The following ZNF775 variants were observed in gnomAD, a reference collection of about 807,000 sequenced individuals.
The protein encoded by ZNF775 is zinc finger protein 775.
In ZNF775, 1 loss-of-function variant was observed where a neutral mutation model predicts 2.4. That is an observed-to-expected ratio of 0.41 (90% CI 0.15 to 1.94). ZNF775 has a LOEUF of 1.94. Ranked by LOEUF, ZNF775 falls within the 30% of genes most tolerant of loss-of-function variation. The pLI is 0.30. For synonymous variants in ZNF775, 381 were observed against 373.3 expected, an observed-to-expected ratio of 1.02 and a Z score of -0.24; for missense variants, 823 against 826.6, an observed-to-expected ratio of 1.00 and a Z score of 0.05.
chr7:150,397,328 T>C lies in ZNF775; in HGVS notation c.847T>C (p.Cys283Arg), dbSNP rs994806274. The change falls in exon 3 of 3, where the codon TGC (cysteine) becomes CGC (arginine). Residue 283 changes from cysteine (C) to arginine (R), a missense_variant. Transcript: ENST00000329630. The stretch of plus-strand genomic sequence containing the variant: ...GCCGGGCGAGCCGCGCCAGTTCATC[T>C]GCAACGAGTGTGGCAAGAGCTTCAC... ...EGPGEPRQFI[C>R]NECGKSFTWW... 1.9e-6 allele frequency: 3 copies of C among 1,591,088 alleles called. No individual in the cohort carries two copies. The highest frequency in any genetic ancestry group is 2.6e-6 in the Non-Finnish European group (3 of 1,172,806).
In ZNF775 at chr7:150,397,433, T is replaced by C; in HGVS notation, c.952T>C (p.Phe318Leu). ...TGCGTGCCCCGAGTGCGGCCGCCGC[T>C]TCAGCCAGAAGCCCAACTTGACGCG... ...PYACPECGRR[F>L]SQKPNLTRHL... The change falls in exon 3 of 3, where the codon TTC becomes CTC. Residue 318 changes from phenylalanine (F) to leucine (L), a missense_variant. Phe to Leu is a conservative substitution (Grantham distance 22). Transcript: ENST00000329630. 1 of 1,595,954 alleles carries C rather than the reference T, an allele frequency of 6.3e-7. No homozygotes were observed. Among genetic ancestry groups the C allele is most frequent in the Non-Finnish European group, 8.5e-7 (1 of 1,175,040 alleles).
chr7:150,388,479 T>C lies in ZNF775; in HGVS notation c.9T>C (p.Ser3=), dbSNP rs1563257896. Residue 3 remains serine (S), a synonymous_variant, in exon 2 of 3, where the codon AGT becomes AGC. Transcript: ENST00000329630. ME[S]GLAGNGTGAG... ...CTGGGAGGCCTCCAGGGATGGAGAG[T>C]GGCCTGGCTGGCAACGGCACAGGTA... The C allele has an allele frequency of 1.9e-6, 3 of 1,551,266 alleles. No individual in the cohort carries two copies. Among genetic ancestry groups the C allele is most frequent in the South Asian group, 1.2e-5 (1 of 84,038 alleles).
Position 150,394,633 on chromosome 7 carries a change from TTC to T in ZNF775, c.32-1863_32-1862del, listed in dbSNP as rs141275634. On this transcript the variant is annotated intron_variant, in intron 2 of 2. Transcript: ENST00000329630. ...TATTCTTAGTTTGCTAGGAGCTTTC[TTC>T]TCTCTCTCTCTCTCTCCCTCCCTCC... 1.7e-3 allele frequency among the ~76,000 whole-genome samples: 252 copies of T among 150,414 alleles called. 2 individuals are homozygous for T. Among genetic ancestry groups the T allele is most frequent in the Admixed American group, 0.011 (169 of 15,090 alleles).
At position 150,397,980 on chromosome 7, in the gene ZNF775, G is replaced by A. The variant is rs914207861; in HGVS notation, c.1499G>A (p.Arg500Gln). Residue 500 changes from arginine (R) to glutamine (Q), a missense_variant, in exon 3 of 3, where the codon CGG (arginine) becomes CAG (glutamine). Coordinates refer to ENST00000329630, the MANE Select transcript of ZNF775 (RefSeq NM_173680.4). Reference sequence around the variant, plus strand: ...CACCGGCGCAACCACACAGGCGAGCGGCCCTACCTGTGTCCCGCCTGCGGC... The same window carrying A: ...CACCGGCGCAACCACACAGGCGAGCAGCCCTACCTGTGTCCCGCCTGCGGC... The part of the protein sequence containing the change: ...TRHRRNHTGE[R>Q]PYLCPACGRG... The A allele has an allele frequency of 1.3e-6, 2 of 1,597,014 alleles. No individual in the cohort carries two copies. Among genetic ancestry groups the A allele is most frequent in the African/African-American group, 2.7e-5 (2 of 74,738 alleles).
At chr7:150,391,630 G>A (rs1800560094) in intron 2 of ZNF775, among the ~76,000 whole-genome samples, 2 of 150,686 alleles carry the variant, frequency 1.3e-5, no homozygotes, top group South Asian at 4.2e-4. Flanking sequence ...GAGCTCAGAT[G>A]TAAACTGTTT....
intron 2 of ZNF775, among the ~76,000 whole-genome samples, 175 bp downstream of exon 2, chr7:150,388,676 G>A (rs960484609): frequency 6.6e-6 from 1 of 152,240 alleles, no homozygotes; most frequent in African/African-American, 2.4e-5. Flanking sequence ...TCAAAGAATG[G>A]AACAATGACA....
At chr7:150,379,891 G>C (rs561513537) in intron 1 of ZNF775, 2 of 152,432 alleles carry the variant, frequency 1.3e-5, no homozygotes, top group African/African-American at 2.4e-5. Flanking sequence ...ATAAGGATTG[G>C]GGGTGGAGAT....
intron 2 of ZNF775, among the ~76,000 whole-genome samples, chr7:150,394,106 G>T (rs10267780): frequency 0.013 from 1,953 of 152,280 alleles, 37 homozygotes; most frequent in African/African-American, 0.045. Flanking sequence ...ACTTAAATAG[G>T]ATTACACTGA....
intron 1 of ZNF775, among the ~76,000 whole-genome samples, chr7:150,386,255 AT>A (rs992455463): frequency 6.6e-6 from 1 of 152,182 alleles, no homozygotes; most frequent in African/African-American, 2.4e-5. Context: ...TTTTAAAAAG[AT>A]TTATTTCTAC....
chr7:150,383,138 T>C (rs1181140726), intron 1 of ZNF775, among the ~76,000 whole-genome samples: 1 of 152,240 alleles, frequency 6.6e-6, no homozygotes, highest in Non-Finnish European at 1.5e-5. Flanking sequence ...TAGATATGAT[T>C]GTATCTGGGT....
intron 2 of ZNF775, among the ~76,000 whole-genome samples, chr7:150,396,195 G>A (rs1281218387): frequency 6.6e-6 from 1 of 152,092 alleles, no homozygotes; most frequent in African/African-American, 2.4e-5. Context: ...CAGAGCAGCC[G>A]GTGCCTCGGG....
intron 2 of ZNF775, among the ~76,000 whole-genome samples, chr7:150,390,776 G>GT (rs1800547074): frequency 6.6e-6 from 1 of 152,106 alleles, no homozygotes; most frequent in Non-Finnish European, 1.5e-5. Context: ...CTTTACACTC[G>GT]TATGTCAGTA....
At chr7:150,387,376 G>T (rs1313816220) in intron 1 of ZNF775, among the ~76,000 whole-genome samples, 1 of 152,078 alleles carries the variant, frequency 6.6e-6, no homozygotes, top group South Asian at 2.1e-4. Flanking sequence ...TAGAAGTGTG[G>T]GGGGCAAGCC....
Position 150,381,926 on chromosome 7 carries a change from G to A in ZNF775, c.-50+2534G>A, listed in dbSNP as rs141782692. Among the ~76,000 whole-genome samples, 20 of 151,878 alleles carry A rather than the reference G, an allele frequency of 1.3e-4. No homozygotes were observed. The East Asian group carries it at 3.3e-3, about 25-fold the overall frequency. ...GGTGGCCTTGTGCTGAGTGGGATCC[G>A]GGAAGTTGGAGAGGAGCAGGGTGGG... On this transcript the variant is annotated intron_variant, in intron 1 of 2. Transcript: ENST00000329630.
rs1301867461 is a variant in ZNF775 at position 150,398,034 on chromosome 7, T to G, written c.1553T>G (p.Leu518Arg). 16 of 1,577,416 alleles carry G rather than the reference T, an allele frequency of 1.0e-5. No homozygotes were observed. The highest frequency in any genetic ancestry group is 1.4e-5 in the Non-Finnish European group (16 of 1,167,210). Residue 518 changes from leucine to arginine, a missense_variant, in exon 3 of 3, where the codon CTC becomes CGC. Physicochemically the swap from Leu to Arg is moderately radical, Grantham distance 102. Transcript: ENST00000329630. ...GGCTTCAGCCAGAAGCAGCACCTGC[T>G]CAAGCACCAGCGCGTGCACCGCGCG... is the stretch of plus-strand genomic sequence containing the variant. ...GRGFSQKQHL[L>R]KHQRVHRAAP... is the part of the protein sequence containing the mutation.
In ZNF775 at chr7:150,398,294, A is replaced by G. The variant is rs1233169712; in HGVS notation, c.*199A>G. 2.2e-6 allele frequency: 2 copies of G among 899,356 alleles called. No individual in the cohort carries two copies. The highest frequency in any genetic ancestry group is 3.2e-6 in the Non-Finnish European group (2 of 622,412). 55.7% of individuals were successfully genotyped at this position (899,356 alleles called of 1,614,324 possible). On this transcript the variant is annotated 3_prime_UTR_variant, in exon 3 of 3. Transcript: ENST00000329630. Reference sequence around the variant, plus strand: ...GAAAGGTCCCAGCGTGGGTTGAGGGAGGAGGGAAGATCCGAGTTCCTCACC... The same window carrying G: ...GAAAGGTCCCAGCGTGGGTTGAGGGGGGAGGGAAGATCCGAGTTCCTCACC...
chr7:150,388,331 T>G (rs1585085668), intron 1 of ZNF775, 91 bp from the exon 2 acceptor site: 1 of 941,698 alleles, frequency 1.1e-6, no homozygotes, highest in Non-Finnish European at 1.6e-6. Context: ...GAAAAGAGAG[T>G]GCTTTATGGG....
intron 2 of ZNF775, among the ~76,000 whole-genome samples, chr7:150,389,857 ATTTGTGTGTG>A (rs1800526286): frequency 7.5e-6 from 1 of 133,042 alleles, no homozygotes; most frequent in African/African-American, 2.9e-5. Context: ...TTTAATTTTT[ATTTGTGTGTG>A]TGTGTGTGTG....
At position 150,384,457 on chromosome 7, in the gene ZNF775, G is replaced by A. The variant is rs1296479964; in HGVS notation, c.-49-3965G>A. Among the ~76,000 whole-genome samples the A allele has an allele frequency of 2.6e-5, 4 of 152,234 alleles. No homozygotes were observed. Among genetic ancestry groups the A allele is most frequent in the African/African-American group, 9.6e-5 (4 of 41,456 alleles). ...CGCCATGCACAGAGCAGAGTGAAAG[G>A]CAGAATAGGAGAGAAGCTTAGGGTG... On this transcript the variant is annotated intron_variant, in intron 1 of 2. Coordinates refer to ENST00000329630, the MANE Select transcript of ZNF775 (RefSeq NM_173680.4). The surrounding 1 kb of genome is among the most constrained non-coding windows in gnomAD (Gnocchi z 4.1).
Sources: allele counts gnomAD v4.1 joint callset (sites outside exome capture counted in the v4.1 genomes callset), GRCh38; gene constraint gnomAD v4.1.1; non-coding constraint Gnocchi (gnomAD v3.1); transcripts MANE v1.5; gene names NCBI Gene and HGNC (gene_info 2026-07-23, HGNC 2026-07-21).